The following PRR5L variants were observed in gnomAD, a reference collection of about 807,000 sequenced individuals.
The protein encoded by PRR5L is proline-rich protein 5-like.
A neutral mutation model predicts 36.4 loss-of-function variants in PRR5L; 21 were observed. The observed-to-expected ratio is 0.58, with a 90% confidence interval of 0.41 to 0.83. PRR5L has a LOEUF of 0.83. Among genes scored for constraint, PRR5L ranks in the 40% least tolerant of loss-of-function variants. The probability of loss-of-function intolerance (pLI) is 0.00; values close to 1 mark genes in which losing one functional copy is unlikely to be tolerated. For synonymous variants in PRR5L, 188 were observed against 197.0 expected (o/e 0.95, Z 0.38); for missense variants, 381 against 473.3 (o/e 0.80, Z 1.81).
chr11:36,404,632 G>A (rs368853445), intron 3 of PRR5L, among the ~76,000 whole-genome samples: 29 of 152,196 alleles, frequency 1.9e-4, no homozygotes, highest in African/African-American at 6.5e-4. Context: ...GAACTTCAAG[G>A]CTAAAGACCC....
intron 1 of PRR5L, among the ~76,000 whole-genome samples, chr11:36,381,955 G>A (rs1404088569): frequency 6.6e-6 from 1 of 151,988 alleles, no homozygotes; most frequent in Non-Finnish European, 1.5e-5. Context: ...TCAGGAGATC[G>A]AGACCATCCT....
intron 4 of PRR5L, among the ~76,000 whole-genome samples, chr11:36,421,665 C>T (rs1858268443): frequency 6.6e-6 from 1 of 152,126 alleles, no homozygotes; most frequent in Admixed American, 6.5e-5. Flanking sequence ...AGTAAACCTT[C>T]CTGGGAGAGA....
intron 1 of PRR5L, among the ~76,000 whole-genome samples, chr11:36,387,304 T>C (rs2133536853): frequency 6.6e-6 from 1 of 152,212 alleles, no homozygotes; most frequent in South Asian, 2.1e-4. Flanking sequence ...CATTAGGAGA[T>C]GTACCTAATG....
intron 1 of PRR5L, among the ~76,000 whole-genome samples, chr11:36,342,676 C>T (rs114308487): frequency 0.015 from 2,307 of 152,236 alleles, 61 homozygotes; most frequent in African/African-American, 0.048. Flanking sequence ...GACTTGGAAA[C>T]GGGTGGGATG....
At chr11:36,330,555 C>T (rs754953873) in intron 1 of PRR5L, among the ~76,000 whole-genome samples, 1 of 152,128 alleles carries the variant, frequency 6.6e-6, no homozygotes, top group Non-Finnish European at 1.5e-5. Flanking sequence ...AAACATGAAG[C>T]ACTTTGCCCA....
intron 4 of PRR5L, among the ~76,000 whole-genome samples, chr11:36,431,589 T>G (rs1005779242): frequency 6.6e-6 from 1 of 152,166 alleles, no homozygotes; most frequent in African/African-American, 2.4e-5. Flanking sequence ...CAAGTTTGTG[T>G]CATGCCTCTT....
chr11:36,397,859 G>A (rs991858962), intron 1 of PRR5L, among the ~76,000 whole-genome samples: 2 of 150,646 alleles, frequency 1.3e-5, no homozygotes, highest in South Asian at 2.1e-4. Context: ...GCAATGGCAC[G>A]ATCTCGGATC....
At chr11:36,416,029 A>G (rs1056103202) in intron 3 of PRR5L, among the ~76,000 whole-genome samples, 1 of 152,214 alleles carries the variant, frequency 6.6e-6, no homozygotes, top group Admixed American at 6.5e-5. Context: ...GCTTACTATG[A>G]CTTAGATCTT....
intron 5 of PRR5L, among the ~76,000 whole-genome samples, chr11:36,435,189 GA>G (rs1858579696): frequency 6.6e-6 from 1 of 152,018 alleles, no homozygotes; most frequent in Non-Finnish European, 1.5e-5. Context: ...GGTCCTTTTA[GA>G]CTTCCCCCTC....
At chr11:36,318,546 A>G (rs1258676859) in intron 1 of PRR5L, among the ~76,000 whole-genome samples, 2 of 151,896 alleles carry the variant, frequency 1.3e-5, no homozygotes, top group Non-Finnish European at 2.9e-5. Context: ...GTTAGCTATG[A>G]ATCACGATGG....
chr11:36,352,070 C>T (rs1856981134), intron 1 of PRR5L, among the ~76,000 whole-genome samples: 1 of 151,878 alleles, frequency 6.6e-6, no homozygotes, highest in African/African-American at 2.4e-5. Context: ...TCCCTTTTGA[C>T]TGCATCCCCG....
intron 1 of PRR5L, among the ~76,000 whole-genome samples, chr11:36,348,766 A>G (rs1319589354): frequency 6.6e-6 from 1 of 152,202 alleles, no homozygotes; most frequent in African/African-American, 2.4e-5. Flanking sequence ...TTCACAGATA[A>G]TCAATATTGA....
intron 1 of PRR5L, among the ~76,000 whole-genome samples, chr11:36,381,390 G>C (rs2133527810): frequency 7.5e-6 from 1 of 133,472 alleles, no homozygotes; most frequent in South Asian, 2.5e-4. Context: ...GTTGAGCCTG[G>C]AAGAATAGCT....
chr11:36,451,886 C>T (rs1447257096), intron 8 of PRR5L, among the ~76,000 whole-genome samples: 1 of 152,066 alleles, frequency 6.6e-6, no homozygotes, highest in Non-Finnish European at 1.5e-5. Context: ...TTTTTGATGG[C>T]TGTAAACCTA....
At chr11:36,426,600 C>A (rs1858388066) in intron 4 of PRR5L, among the ~76,000 whole-genome samples, 2 of 152,194 alleles carry the variant, frequency 1.3e-5, no homozygotes, top group African/African-American at 2.4e-5. Flanking sequence ...TTCAGACCAA[C>A]CTTGGTGCAA....
At chr11:36,319,541 A>G (rs1856592149) in intron 1 of PRR5L, among the ~76,000 whole-genome samples, 1 of 152,236 alleles carries the variant, frequency 6.6e-6, no homozygotes, top group Non-Finnish European at 1.5e-5. Flanking sequence ...CCATTGGAGT[A>G]CAAAAGCCAT....
intron 1 of PRR5L, among the ~76,000 whole-genome samples, chr11:36,364,037 T>C (rs1339398379): frequency 6.6e-6 from 1 of 152,194 alleles, no homozygotes; most frequent in Non-Finnish European, 1.5e-5. Context: ...CTGTGGTGGT[T>C]AAACCCACAG....
chr11:36,350,970 TTA>T (rs1199441562), intron 1 of PRR5L, among the ~76,000 whole-genome samples: 720 of 47,514 alleles, frequency 0.015, 36 homozygotes, highest in South Asian at 0.028. Context: ...ATTTATATAT[TTA>T]TATATATTTA....
chr11:36,414,377 T>A (rs1266060745), intron 3 of PRR5L, among the ~76,000 whole-genome samples: 1 of 148,842 alleles, frequency 6.7e-6, no homozygotes, highest in Non-Finnish European at 1.5e-5. Context: ...CAGCACCTGT[T>A]GTTTCCTGAC....
Sources: gnomAD v4.1 joint callset for allele counts (sites outside exome capture counted in the v4.1 genomes callset) on GRCh38, gnomAD v4.1.1 for gene constraint, MANE v1.5 for transcripts, NCBI Gene and HGNC (gene_info 2026-07-23, HGNC 2026-07-21) for gene names.